TCAIM: variants seen among roughly 807,000 people sequenced by gnomAD.
The protein encoded by TCAIM is T cell activation inhibitor, mitochondrial.
In TCAIM, 36 loss-of-function variants were observed where a neutral mutation model predicts 58.6. The observed-to-expected ratio is 0.61, with a 90% CI of 0.47 to 0.81. TCAIM has a LOEUF of 0.81. Ranked by LOEUF, TCAIM falls within the 30% of genes least tolerant of loss-of-function variation. The pLI is 0.00. For synonymous variants in TCAIM, 172 were observed against 193.6 expected, an observed-to-expected ratio of 0.89 and a Z score of 0.93; for missense variants, 466 against 579.6, an observed-to-expected ratio of 0.80 and a Z score of 2.01.
At chr3:44,401,682 A>G (rs1033293535) in intron 10 of TCAIM, among the ~76,000 whole-genome samples, 1 of 152,236 alleles carries the variant, frequency 6.6e-6, no homozygotes, top group East Asian at 1.9e-4. Context: ...AACTGTTGAT[A>G]TAAAAAGAAC....
intron 3 of TCAIM, chr3:44,358,359 A>T: frequency 1.4e-6 from 1 of 707,810 alleles, no homozygotes; most frequent in Non-Finnish European, 2.5e-6. Context: ...GATGTAGTTA[A>T]GACAGTCAAT....
At chr3:44,362,069 TCA>T (rs1173959024) in intron 4 of TCAIM, among the ~76,000 whole-genome samples, 2 of 152,192 alleles carry the variant, frequency 1.3e-5, no homozygotes, top group African/African-American at 4.8e-5. Context: ...AGGGTAAAGA[TCA>T]CTAAAGGCCT....
rs1369137399 is a variant in TCAIM, at chr3:44,367,786, CA to C, written c.572+79del. On this transcript the variant is annotated intron_variant, in intron 5 of 10. Coordinates refer to ENST00000342649, the MANE Select transcript of TCAIM (RefSeq NM_173826.4). ...CACTGATTTATTGGGATGGCAAAAA[CA>C]TTTTTTTATAAATAAAAAGTGTAGT... The C allele has an allele frequency of 1.7e-5, 23 of 1,357,892 alleles. No homozygotes were observed. In the East Asian group the frequency reaches 3.3e-4, roughly 19 times the overall value. 84.1% of individuals were successfully genotyped at this position (1,357,892 alleles called of 1,614,324 possible).
intron 5 of TCAIM, among the ~76,000 whole-genome samples, chr3:44,389,707 A>G (rs1185049677): frequency 6.6e-6 from 1 of 151,826 alleles, no homozygotes; most frequent in East Asian, 1.9e-4. Flanking sequence ...TAAAGAGGGT[A>G]TAGGAAGGAT....
chr3:44,407,720 G>A lies in TCAIM; in HGVS notation c.*38G>A. 4 of 1,513,736 alleles carry A rather than the reference G, an allele frequency of 2.6e-6. No individual in the cohort carries two copies. The highest frequency in any genetic ancestry group is 3.5e-6 in the Non-Finnish European group (4 of 1,131,296). 93.8% of individuals were successfully genotyped at this position (1,513,736 alleles called of 1,614,324 possible). On this transcript the variant is annotated 3_prime_UTR_variant, in exon 11 of 11. Transcript: ENST00000342649. Reference sequence around the variant, plus strand: ...TTTTATTTTTTTAAGAGATAAGAAAGGAACTTAAATTAAAAATATTTAAAT... The same window carrying A: ...TTTTATTTTTTTAAGAGATAAGAAAAGAACTTAAATTAAAAATATTTAAAT...
chr3:44,341,279 A>G (rs895195735), intron 1 of TCAIM: 10 of 152,278 alleles, frequency 6.6e-5, no homozygotes, highest in African/African-American at 2.4e-4. Context: ...TAATTCATAA[A>G]AAGACAATTC....
chr3:44,346,686 A>G (rs1700976495), intron 1 of TCAIM, among the ~76,000 whole-genome samples: 1 of 152,182 alleles, frequency 6.6e-6, no homozygotes, highest in East Asian at 1.9e-4. Context: ...AGTTGAGCAT[A>G]GTTTGTGATT....
rs555109744 is a variant in TCAIM at position 44,400,682 on chromosome 3, T to C, written c.1118+95T>C. Reference sequence around the variant, plus strand: ...AATTGTTTTGTATTTCAATGGGTAGTTCTTAGGAATTAAAGAAAAAAATGC... The same window carrying C: ...AATTGTTTTGTATTTCAATGGGTAGCTCTTAGGAATTAAAGAAAAAAATGC... On this transcript the variant is annotated intron_variant, in intron 9 of 10. Transcript: ENST00000342649. 3.2e-5 allele frequency: 34 copies of C among 1,065,492 alleles called. 1 individual carries two copies. The African/African-American group carries it at 4.3e-4, about 14-fold the overall frequency. 66.0% of individuals were successfully genotyped at this position (1,065,492 alleles called of 1,614,324 possible). A position where few individuals can be genotyped will look rare whatever the true frequency, so the allele number is the denominator to read the frequency against.
intron 5 of TCAIM, among the ~76,000 whole-genome samples, chr3:44,386,726 G>A (rs1320561174): frequency 6.6e-6 from 1 of 152,258 alleles, no homozygotes; most frequent in African/African-American, 2.4e-5. Flanking sequence ...TGTCCCTCCG[G>A]ACTTTGGGCG....
At position 44,408,574 on chromosome 3, in the gene TCAIM, GA is replaced by G. The variant is rs1426933864; in HGVS notation, c.*895del. On this transcript the variant is annotated 3_prime_UTR_variant, in exon 11 of 11. Transcript: ENST00000342649. ...ATTGTTAGTAGTATGAAACCAACAG[GA>G]AATGTTTTTTAATCATTTAGTGAGG... 1 of 145,856 alleles carries G rather than the reference GA, an allele frequency of 6.9e-6. No homozygotes were observed. Among genetic ancestry groups the G allele is most frequent in the Admixed American group, 6.8e-5 (1 of 14,620 alleles). The allele number at this position is 145,856 out of a possible 1,614,324, so 9.0% of individuals were successfully genotyped here.
At chr3:44,401,848 C>G (rs1391565394) in intron 10 of TCAIM, among the ~76,000 whole-genome samples, 1 of 151,704 alleles carries the variant, frequency 6.6e-6, no homozygotes, top group Non-Finnish European at 1.5e-5. Flanking sequence ...GCTTGGCCAA[C>G]ATGGTGAAAC....
At position 44,357,723 on chromosome 3, in the gene TCAIM, T is replaced by A; in HGVS notation, c.30-18T>A. The A allele has an allele frequency of 6.2e-7, 1 of 1,613,490 alleles. No individual in the cohort carries two copies. Among genetic ancestry groups the A allele is most frequent in the South Asian group, 1.1e-5 (1 of 90,920 alleles). On this transcript the variant is annotated intron_variant, in intron 2 of 10. Coordinates refer to ENST00000342649, the MANE Select transcript of TCAIM (RefSeq NM_173826.4). The stretch of plus-strand genomic sequence containing the variant: ...TGTGAGTGCCTCAATGAATAACCAG[T>A]CCACATCTTTTTAAAAGGTTATGTC...
At position 44,366,228 on chromosome 3, in the gene TCAIM, G is replaced by T. The variant is rs1436736188; in HGVS notation, c.320-1228G>T. On this transcript the variant is annotated intron_variant, in intron 4 of 10. Transcript: ENST00000342649. ...AAAGCAAACCAGTGGATTTTTTATT[G>T]ATGACTTAACAATTTAGATTACTTA... 4.0e-5 allele frequency among the ~76,000 whole-genome samples: 6 copies of T among 151,668 alleles called. No homozygotes were observed. In the East Asian group the frequency reaches 9.6e-4, roughly 24 times the overall value.
intron 1 of TCAIM, among the ~76,000 whole-genome samples, chr3:44,345,576 G>A (rs1430140885): frequency 6.6e-6 from 1 of 152,140 alleles, no homozygotes; most frequent in African/African-American, 2.4e-5. Context: ...GATTTTGGAG[G>A]AAAGAGAAAT....
intron 5 of TCAIM, among the ~76,000 whole-genome samples, chr3:44,388,950 T>C (rs1028342816): frequency 4.6e-5 from 7 of 152,240 alleles, no homozygotes; most frequent in African/African-American, 1.7e-4. Flanking sequence ...GCTCAGTTAC[T>C]ACTAATCCTC....
chr3:44,367,418 C>T, intron 4 of TCAIM, 38 bp from the exon 5 acceptor site: 1 of 1,538,272 alleles, frequency 6.5e-7, no homozygotes, highest in Non-Finnish European at 8.8e-7. Flanking sequence ...AGCAAATAAT[C>T]ATCTGTATTA....
intron 1 of TCAIM, among the ~76,000 whole-genome samples, chr3:44,350,943 G>A (rs941974545): frequency 6.6e-6 from 1 of 152,148 alleles, no homozygotes; most frequent in African/African-American, 2.4e-5. Context: ...GTTTGGGTGA[G>A]AATTTAGTCC....
intron 5 of TCAIM, among the ~76,000 whole-genome samples, chr3:44,374,465 A>G (rs1220080679): frequency 6.6e-6 from 1 of 152,172 alleles, no homozygotes; most frequent in Admixed American, 6.5e-5. Context: ...AAGTATAAAA[A>G]GCTTTTGGTG....
chr3:44,367,515 A>G lies in TCAIM; in HGVS notation c.379A>G (p.Ile127Val). 1 of 1,614,154 alleles carries G rather than the reference A, an allele frequency of 6.2e-7. No homozygotes were observed. The highest frequency in any genetic ancestry group is 8.5e-7 in the Non-Finnish European group (1 of 1,180,002). Residue 127 changes from isoleucine to valine, a missense_variant, in exon 5 of 11, where the codon ATT (isoleucine) becomes GTT (valine). By Grantham distance (29) the Ile-to-Val change is conservative (BLOSUM62 3). Coordinates refer to ENST00000342649, the MANE Select transcript of TCAIM (RefSeq NM_173826.4). ...AGATCTGCTAAGCACAGTGTTATAT[A>G]TTCTCAACTCCTGCAGTTTATCTGT... is the stretch of plus-strand genomic sequence containing the variant. ...TRDLLSTVLY[I>V]LNSCSLSVEH...
Sources: allele counts gnomAD v4.1 joint callset (sites outside exome capture counted in the v4.1 genomes callset), GRCh38; gene constraint gnomAD v4.1.1; transcripts MANE v1.5; gene names NCBI Gene and HGNC (gene_info 2026-07-23, HGNC 2026-07-21).